KCNT1: variants seen among roughly 807,000 people sequenced by gnomAD.
KCNT1 encodes potassium sodium-activated channel subfamily T member 1, also known as potassium channel subfamily T member 1.
Under a neutral mutation model 147.8 loss-of-function variants are expected in KCNT1, and 78 were observed. That is an observed-to-expected ratio of 0.53 (90% CI 0.44 to 0.64). KCNT1 has a LOEUF of 0.64. Ranked by LOEUF, KCNT1 falls within the 30% of genes least tolerant of loss-of-function variation. The pLI is 0.00. For missense variants in KCNT1, 1,419 were observed against 1,750.3 expected, an observed-to-expected ratio of 0.81 and a Z score of 3.38; for synonymous variants, 867 against 748.8, an observed-to-expected ratio of 1.16 and a Z score of -2.58.
intron 18 of KCNT1, among the ~76,000 whole-genome samples, chr9:135,771,568 G>A (rs982761435): frequency 1.3e-5 from 2 of 152,224 alleles, no homozygotes; most frequent in African/African-American, 2.4e-5. Context: ...TCTGCTTCAC[G>A]TGTGTCCCTC....
chr9:135,732,020 A>AGAGG (rs1554766176), intron 2 of KCNT1, among the ~76,000 whole-genome samples: 2 of 126,312 alleles, frequency 1.6e-5, no homozygotes, highest in East Asian at 2.4e-4. Context: ...AGAGAGAGAG[A>AGAGG]GAGAGAGAGA....
In KCNT1 at chr9:135,783,613, C is replaced by T. The variant is rs558379711; in HGVS notation, c.2842-411C>T. 5.9e-5 allele frequency among the ~76,000 whole-genome samples: 9 copies of T among 152,372 alleles called. No individual in the cohort carries two copies. The East Asian group carries it at 1.3e-3, about 23-fold the overall frequency. On this transcript the variant is annotated intron_variant, in intron 24 of 30. Coordinates refer to ENST00000371757, the MANE Select transcript of KCNT1 (RefSeq NM_020822.3). ...GACAGCAGGGAGCCCGATGCTTGCT[C>T]CTCCTCAGCCCAGACTCCACACGCC...
At chr9:135,792,005 C>T in intron 30 of KCNT1, 36 bp from the exon 31 acceptor site, 1 of 1,602,612 alleles carries the variant, frequency 6.2e-7, no homozygotes, top group Admixed American at 1.7e-5. Flanking sequence ...CTGCCCGGCC[C>T]ACATCCACTC....
chr9:135,708,573 C>T (rs1339598078), intron 1 of KCNT1, among the ~76,000 whole-genome samples: 1 of 152,226 alleles, frequency 6.6e-6, no homozygotes, highest in Non-Finnish European at 1.5e-5. Context: ...TTGTTTCAGA[C>T]AGAATCTAGC....
chr9:135,710,787 C>T (rs545672924), intron 1 of KCNT1, among the ~76,000 whole-genome samples: 2 of 152,218 alleles, frequency 1.3e-5, no homozygotes, highest in African/African-American at 4.8e-5. Flanking sequence ...TCATCAAATT[C>T]TGAGAAAATA....
chr9:135,752,767 GTGGATGGGTGGATGATGGATGGA>G lies in KCNT1; in HGVS notation c.435-1162_435-1140del, dbSNP rs1358662905. ...ATGGAATAGATGGATGGAGGGATGA[GTGGATGGGTGGATGATGGATGGA>G]TGGATGGATGGATGATGCGTGGATG... On this transcript the variant is annotated intron_variant, in intron 4 of 30. Coordinates refer to ENST00000371757, the MANE Select transcript of KCNT1 (RefSeq NM_020822.3). The surrounding 1 kb of genome is among the most constrained non-coding windows in gnomAD (Gnocchi z 5.1). Among the ~76,000 whole-genome samples, 1 of 151,274 alleles carries G rather than the reference GTGGATGGGTGGATGATGGATGGA, an allele frequency of 6.6e-6. No homozygotes were observed. The highest frequency in any genetic ancestry group is 1.5e-5 in the Non-Finnish European group (1 of 67,824).
intron 4 of KCNT1, 39 bp from the exon 5 acceptor site, chr9:135,753,898 G>C (rs1831333983): frequency 6.2e-7 from 1 of 1,612,524 alleles, no homozygotes; most frequent in African/African-American, 1.3e-5. Context: ...AGTGGTGCTA[G>C]AGGGGCCAGG....
intron 17 of KCNT1, among the ~76,000 whole-genome samples, 197 bp from the exon 18 acceptor site, chr9:135,770,660 G>A (rs1450037794): frequency 6.6e-6 from 1 of 152,206 alleles, no homozygotes; most frequent in Non-Finnish European, 1.5e-5. Context: ...CCTGAGGCTT[G>A]TGGGCTGACC....
chr9:135,735,058 G>A (rs948582226), intron 2 of KCNT1, among the ~76,000 whole-genome samples: 1 of 152,164 alleles, frequency 6.6e-6, no homozygotes, highest in African/African-American at 2.4e-5. Context: ...GGGTTGAAGG[G>A]GGCTTCCATC....
chr9:135,771,147 G>C (rs1564371789), intron 18 of KCNT1, 52 bp downstream of exon 18: 1 of 1,500,210 alleles, frequency 6.7e-7, no homozygotes, highest in Admixed American at 1.8e-5. Context: ...TTTGGCGGGA[G>C]ACCAGGCGGG....
At chr9:135,768,261 TGGGATACCGGTG>T (rs1564366531) in intron 13 of KCNT1, among the ~76,000 whole-genome samples, 369 of 7,038 alleles carry the variant, frequency 0.052, 101 homozygotes, top group African/African-American at 0.34. Context: ...GGGGGGGCAC[TGGGATACCGGTG>T]GGGGGGGCAC....
chr9:135,758,226 G>GGC (rs1831639610), intron 9 of KCNT1, among the ~76,000 whole-genome samples, 188 bp from the exon 10 acceptor site: 2 of 147,762 alleles, frequency 1.4e-5, no homozygotes, highest in Non-Finnish European at 3.0e-5. Context: ...GGTGTGGCCA[G>GGC]GTGCAGGCTG....
chr9:135,749,340 G>A (rs979663534), intron 2 of KCNT1, among the ~76,000 whole-genome samples: 2 of 152,168 alleles, frequency 1.3e-5, no homozygotes, highest in African/African-American at 2.4e-5. Flanking sequence ...CCCGGCAACT[G>A]GCACACTGTG....
At chr9:135,721,649 A>G (rs1422301094) in intron 2 of KCNT1, among the ~76,000 whole-genome samples, 1 of 152,184 alleles carries the variant, frequency 6.6e-6, no homozygotes, top group Non-Finnish European at 1.5e-5. Flanking sequence ...GGTCTGGTTT[A>G]TTGGAGCAGG....
intron 1 of KCNT1, among the ~76,000 whole-genome samples, chr9:135,705,575 C>T (rs1416921983): frequency 1.3e-5 from 2 of 152,176 alleles, no homozygotes; most frequent in Non-Finnish European, 2.9e-5. Flanking sequence ...CTCAGCGTGC[C>T]CGTGCTAGGT....
rs537252738 is a variant in KCNT1, at chr9:135,777,710, A to C, written c.2522+200A>C. 4.4e-3 allele frequency among the ~76,000 whole-genome samples: 607 copies of C among 139,050 alleles called. 3 individuals are homozygous for C. The highest frequency in any genetic ancestry group is 0.016 in the African/African-American group (578 of 37,038). 91.2% of individuals were successfully genotyped at this position (139,050 alleles called of 152,430 possible). On this transcript the variant is annotated intron_variant, in intron 21 of 30. Coordinates refer to ENST00000371757, the MANE Select transcript of KCNT1 (RefSeq NM_020822.3). Reference sequence around the variant, plus strand: ...CCTCCTGCTCCCAGCTCCTCCCCACACCCACTCCTGCTCCCAGCTCCTCCC... The same window carrying C: ...CCTCCTGCTCCCAGCTCCTCCCCACCCCCACTCCTGCTCCCAGCTCCTCCC...
At chr9:135,709,707 G>A (rs943485052) in intron 1 of KCNT1, among the ~76,000 whole-genome samples, 2 of 152,054 alleles carry the variant, frequency 1.3e-5, no homozygotes, top group African/African-American at 4.8e-5. Flanking sequence ...TTGAGATGGA[G>A]TCTCGCTCTG....
chr9:135,744,133 G>A (rs1038390305), intron 2 of KCNT1, among the ~76,000 whole-genome samples: 3 of 152,260 alleles, frequency 2.0e-5, no homozygotes, highest in East Asian at 1.9e-4. Context: ...GCCCCGAGGC[G>A]TGTGCCTGAC....
intron 11 of KCNT1, among the ~76,000 whole-genome samples, chr9:135,763,831 C>T (rs1832075699): frequency 6.6e-6 from 1 of 152,146 alleles, no homozygotes; most frequent in South Asian, 2.1e-4. Flanking sequence ...GCTCCTTCAT[C>T]CTCACGGCGG....
Sources: gnomAD v4.1 joint callset for allele counts (sites outside exome capture counted in the v4.1 genomes callset) on GRCh38, gnomAD v4.1.1 for gene constraint, Gnocchi (gnomAD v3.1) non-coding constraint, MANE v1.5 for transcripts, NCBI Gene and HGNC (gene_info 2026-07-23, HGNC 2026-07-21) for gene names.